The following ZBTB20 variants were observed in gnomAD, a reference collection of about 807,000 sequenced individuals.
ZBTB20 encodes zinc finger and BTB domain-containing protein 20.
A neutral mutation model predicts 56.9 loss-of-function variants in ZBTB20; 9 were observed. The ratio of observed to expected loss-of-function variants is 0.16; its 90% CI spans 0.10 to 0.28. The LOEUF (loss-of-function observed/expected upper bound fraction) is 0.28. Among genes scored for constraint, ZBTB20 ranks in the 10% least tolerant of loss-of-function variants. The pLI, the probability that ZBTB20 is intolerant of heterozygous loss-of-function variation, is 1.00. For synonymous variants in ZBTB20, 417 were observed against 420.7 expected (o/e 0.99, Z 0.11); for missense variants, 655 against 1,003.0 (o/e 0.65, Z 4.69).
intron 4 of ZBTB20, among the ~76,000 whole-genome samples, chr3:114,868,188 T>C (rs1352767014): frequency 6.6e-6 from 1 of 152,214 alleles, no homozygotes; most frequent in Admixed American, 6.5e-5. Flanking sequence ...ATGTGTGGTA[T>C]CTATGCTGAT....
At chr3:114,431,983 A>G (rs2108892515) in intron 7 of ZBTB20, among the ~76,000 whole-genome samples, 1 of 152,242 alleles carries the variant, frequency 6.6e-6, no homozygotes, top group East Asian at 1.9e-4. Context: ...CCACCTTAAC[A>G]TGGGTTAGCT....
intron 6 of ZBTB20, among the ~76,000 whole-genome samples, chr3:114,552,868 G>T (rs2050749078): frequency 1.3e-5 from 2 of 152,178 alleles, no homozygotes; most frequent in South Asian, 4.1e-4. Flanking sequence ...TGAAGAAGGT[G>T]TCTGTTACTT....
intron 6 of ZBTB20, among the ~76,000 whole-genome samples, chr3:114,647,398 T>C (rs942252264): frequency 2.0e-5 from 3 of 152,236 alleles, no homozygotes; most frequent in African/African-American, 7.2e-5. Context: ...TTCCTCTCTC[T>C]ATCTCTAGAG....
chr3:115,030,074 T>G (rs1418210304), intron 2 of ZBTB20, among the ~76,000 whole-genome samples: 1 of 151,058 alleles, frequency 6.6e-6, no homozygotes, highest in Non-Finnish European at 1.5e-5. Flanking sequence ...AACTAGCACA[T>G]AGTGTTAAAC....
chr3:115,053,737 A>G (rs1293214301), intron 2 of ZBTB20, among the ~76,000 whole-genome samples: 1 of 152,148 alleles, frequency 6.6e-6, no homozygotes, highest in East Asian at 1.9e-4. Flanking sequence ...TTCTCTGCTT[A>G]TATTATCCGA....
At chr3:114,560,665 A>G (rs925454682) in intron 6 of ZBTB20, among the ~76,000 whole-genome samples, 1 of 151,932 alleles carries the variant, frequency 6.6e-6, no homozygotes, top group Non-Finnish European at 1.5e-5. Flanking sequence ...AGTGCTCACC[A>G]CCCTCTGAGC....
intron 1 of ZBTB20, among the ~76,000 whole-genome samples, chr3:115,116,370 C>G (rs2084018483): frequency 6.6e-6 from 1 of 152,058 alleles, no homozygotes; most frequent in South Asian, 2.1e-4. Context: ...AACGCATCAT[C>G]TTGCATATTT....
At chr3:115,137,811 T>C (rs1415120960) in intron 1 of ZBTB20, among the ~76,000 whole-genome samples, 1 of 152,128 alleles carries the variant, frequency 6.6e-6, no homozygotes, top group Non-Finnish European at 1.5e-5. Flanking sequence ...TAAATGTTCC[T>C]AGAACAGTGA....
intron 3 of ZBTB20, among the ~76,000 whole-genome samples, chr3:114,908,743 G>A (rs185979140): frequency 9.9e-5 from 15 of 151,890 alleles, no homozygotes; most frequent in Admixed American, 2.0e-4. Flanking sequence ...AAGAAACTAT[G>A]AAAAAGGCAG....
At position 114,583,513 on chromosome 3, in the gene ZBTB20, A is replaced by G. The variant is rs1577743302; in HGVS notation, c.-294-83122T>C. 2.0e-5 allele frequency among the ~76,000 whole-genome samples: 3 copies of G among 152,324 alleles called. No homozygotes were observed. In the Middle Eastern group the frequency reaches 0.01, roughly 518 times the overall value. ...AAAATAAGATTTCTTTTATCCTGAT[A>G]AAAGATTTTTTATCACCAAGAACGT... On this transcript the variant is annotated intron_variant, in intron 6 of 11. Coordinates refer to ENST00000675478, the MANE Select transcript of ZBTB20 (RefSeq NM_001348800.3).
chr3:114,645,832 G>C (rs373440121), intron 6 of ZBTB20, among the ~76,000 whole-genome samples: 15 of 152,024 alleles, frequency 9.9e-5, no homozygotes, highest in African/African-American at 3.6e-4. Context: ...AAAGAATGTT[G>C]TATAAAAACT....
At chr3:114,619,578 C>T (rs149182405) in intron 6 of ZBTB20, among the ~76,000 whole-genome samples, 66 of 152,012 alleles carry the variant, frequency 4.3e-4, no homozygotes, top group African/African-American at 1.5e-3. Context: ...CAGCACAATA[C>T]CATCTAGGGT....
intron 4 of ZBTB20, 135 bp downstream of exon 4, chr3:114,900,169 T>C (rs2075051470): frequency 6.6e-6 from 1 of 152,154 alleles, no homozygotes. Context: ...CCTTTGAAGC[T>C]GTCATTATCT....
intron 5 of ZBTB20, among the ~76,000 whole-genome samples, chr3:114,794,676 C>T (rs2038784135): frequency 6.6e-6 from 1 of 152,034 alleles, no homozygotes; most frequent in Non-Finnish European, 1.5e-5. Flanking sequence ...TCTATTTCTT[C>T]TTTAATTGCA....
At chr3:114,609,403 C>T (rs2107678996) in intron 6 of ZBTB20, among the ~76,000 whole-genome samples, 1 of 152,254 alleles carries the variant, frequency 6.6e-6, no homozygotes, top group South Asian at 2.1e-4. Context: ...ACAATTAATT[C>T]CCACTATCAA....
At chr3:114,491,411 A>G (rs2042741132) in intron 7 of ZBTB20, among the ~76,000 whole-genome samples, 1 of 152,288 alleles carries the variant, frequency 6.6e-6, no homozygotes, top group African/African-American at 2.4e-5. Flanking sequence ...TCAAATCTCT[A>G]CTTTCCTTAA....
At chr3:114,927,485 T>C (rs1375233760) in intron 3 of ZBTB20, among the ~76,000 whole-genome samples, 1 of 152,142 alleles carries the variant, frequency 6.6e-6, no homozygotes, top group Non-Finnish European at 1.5e-5. Context: ...TTTTTTAGTT[T>C]CACAACAGGC....
chr3:114,643,153 A>T (rs2059647832), intron 6 of ZBTB20, among the ~76,000 whole-genome samples: 2 of 152,116 alleles, frequency 1.3e-5, no homozygotes, highest in African/African-American at 4.8e-5. Context: ...TTTCCTGCCA[A>T]AATGGCTAAT....
chr3:114,501,656 A>T (rs1274510860), intron 6 of ZBTB20, among the ~76,000 whole-genome samples: 1 of 150,720 alleles, frequency 6.6e-6, no homozygotes, highest in African/African-American at 2.4e-5. Flanking sequence ...CAAAAAAAAA[A>T]AAAACTATTA....
Sources: gnomAD v4.1 joint callset for allele counts (sites outside exome capture counted in the v4.1 genomes callset) on GRCh38, gnomAD v4.1.1 for gene constraint, MANE v1.5 for transcripts, NCBI Gene and HGNC (gene_info 2026-07-23, HGNC 2026-07-21) for gene names.